The following WRN variants were observed in gnomAD, a reference collection of about 807,000 sequenced individuals.
WRN encodes bifunctional 3'-5' exonuclease/ATP-dependent helicase WRN.
Under a neutral mutation model 180.7 loss-of-function variants are expected in WRN, and 149 were observed. That is an observed-to-expected ratio of 0.82 (90% CI 0.72 to 0.94). The LOEUF is 0.94. WRN is among the 40% of genes least tolerant of loss of function. WRN has a pLI of 0.00. For missense variants in WRN, 1,661 were observed against 1,700.1 expected, an observed-to-expected ratio of 0.98 and a Z score of 0.40; for synonymous variants, 548 against 568.9, an observed-to-expected ratio of 0.96 and a Z score of 0.52.
chr8:31,145,533 G>C (rs970606610), intron 28 of WRN, among the ~76,000 whole-genome samples: 4 of 152,172 alleles, frequency 2.6e-5, no homozygotes, highest in South Asian at 2.1e-4. Context: ...GTCACCAAGA[G>C]CCGTAATGGA....
chr8:31,139,999 CTTTGTTTTTTT>C (rs1027471759), intron 24 of WRN, among the ~76,000 whole-genome samples: 3 of 74,704 alleles, frequency 4.0e-5, no homozygotes, highest in African/African-American at 1.6e-4. Context: ...TTGTATACTT[CTTTGTTTTTTT>C]TTTTTTTTTT....
chr8:31,072,708 TAGTTTGGAA>T (rs2130077687), intron 7 of WRN, among the ~76,000 whole-genome samples: 1 of 152,330 alleles, frequency 6.6e-6, no homozygotes, highest in Non-Finnish European at 1.5e-5. Flanking sequence ...TCTAGAAGCT[TAGTTTGGAA>T]AGGGAACGTT....
At chr8:31,055,426 A>G (rs1812232421) in intron 1 of WRN, among the ~76,000 whole-genome samples, 1 of 152,154 alleles carries the variant, frequency 6.6e-6, no homozygotes, top group Non-Finnish European at 1.5e-5. Flanking sequence ...TTGATTTTTT[A>G]ATAAACGCCA....
chr8:31,142,524 G>A (rs1430694905), intron 26 of WRN, 102 bp from the exon 27 acceptor site: 4 of 884,050 alleles, frequency 4.5e-6, no homozygotes, highest in Non-Finnish European at 6.6e-6. Context: ...AGTTCTAAAA[G>A]GGTAATATCT....
chr8:31,132,895 G>A (rs572069347), intron 24 of WRN, among the ~76,000 whole-genome samples: 1 of 152,232 alleles, frequency 6.6e-6, no homozygotes, highest in South Asian at 2.1e-4. Context: ...ATTCTTCAAG[G>A]AAAACTTTAG....
chr8:31,139,167 T>G (rs1802510294), intron 24 of WRN, among the ~76,000 whole-genome samples: 1 of 152,210 alleles, frequency 6.6e-6, no homozygotes, highest in Non-Finnish European at 1.5e-5. Flanking sequence ...TTTCATCAAT[T>G]CAATAAAACC....
intron 7 of WRN, among the ~76,000 whole-genome samples, chr8:31,070,214 TC>T (rs1812855427): frequency 6.6e-6 from 1 of 151,774 alleles, no homozygotes; most frequent in Non-Finnish European, 1.5e-5. Flanking sequence ...CATCTTTTTT[TC>T]CTTCCTTCCT....
intron 33 of WRN, among the ~76,000 whole-genome samples, chr8:31,166,156 C>T (rs1040897178): frequency 4.6e-5 from 7 of 152,050 alleles, no homozygotes; most frequent in Non-Finnish European, 7.4e-5. Flanking sequence ...ATTTAAAGAA[C>T]GTCTTTTCAG....
At chr8:31,152,575 A>G (rs1803180881) in intron 31 of WRN, among the ~76,000 whole-genome samples, 1 of 152,148 alleles carries the variant, frequency 6.6e-6, no homozygotes, top group South Asian at 2.1e-4. Context: ...GGTCAATTAT[A>G]GGAAGATATA....
At chr8:31,050,032 G>A (rs1346558239) in intron 1 of WRN, among the ~76,000 whole-genome samples, 1 of 152,070 alleles carries the variant, frequency 6.6e-6, no homozygotes, top group Non-Finnish European at 1.5e-5. Context: ...AAAGTGACTT[G>A]TCCAGGGTCA....
intron 23 of WRN, among the ~76,000 whole-genome samples, chr8:31,130,152 A>C (rs1453995067): frequency 7.0e-6 from 1 of 142,408 alleles, no homozygotes; most frequent in Non-Finnish European, 1.5e-5. Context: ...ACGAGACCGC[A>C]TCTCTACAAA....
intron 20 of WRN, among the ~76,000 whole-genome samples, chr8:31,119,030 G>GA (rs1231030193): frequency 6.6e-6 from 1 of 151,832 alleles, no homozygotes; most frequent in Non-Finnish European, 1.5e-5. Context: ...GTTGCTTATT[G>GA]ACTCTTACAT....
intron 18 of WRN, among the ~76,000 whole-genome samples, chr8:31,108,123 T>G (rs1801167372): frequency 6.6e-6 from 1 of 152,234 alleles, no homozygotes; most frequent in South Asian, 2.1e-4. Context: ...GGTTGTTTGA[T>G]TTAGCAAAAC....
chr8:31,139,190 A>G (rs1802512189), intron 24 of WRN, among the ~76,000 whole-genome samples: 1 of 152,200 alleles, frequency 6.6e-6, no homozygotes, highest in South Asian at 2.1e-4. Flanking sequence ...TACGTTTGTA[A>G]TAGAGAGCCC....
In WRN at chr8:31,059,840, A is replaced by T. The variant is rs534071417; in HGVS notation, c.209+575A>T. 7.2e-5 allele frequency among the ~76,000 whole-genome samples: 11 copies of T among 152,234 alleles called. No individual in the cohort carries two copies. In the South Asian group the frequency reaches 2.3e-3, roughly 32 times the overall value. On this transcript the variant is annotated intron_variant, in intron 3 of 34. Transcript: ENST00000298139. The stretch of plus-strand genomic sequence containing the variant: ...GTGAGGCCGAGGCAGGTGGATCACA[A>T]GGTCAGGAGATTGAGACCATCCCGG...
At chr8:31,078,628 A>C (rs1813185626) in intron 8 of WRN, among the ~76,000 whole-genome samples, 1 of 152,224 alleles carries the variant, frequency 6.6e-6, no homozygotes, top group South Asian at 2.1e-4. Context: ...AGAAGGGAGC[A>C]GCTTTATGCT....
intron 24 of WRN, among the ~76,000 whole-genome samples, 172 bp from the exon 25 acceptor site, chr8:31,141,258 A>AT (rs1802614272): frequency 6.6e-6 from 1 of 152,312 alleles, no homozygotes; most frequent in Non-Finnish European, 1.5e-5. Flanking sequence ...TTGATAATGT[A>AT]TTTATTTGTG....
At chr8:31,098,276 A>G (rs1814074922) in intron 17 of WRN, among the ~76,000 whole-genome samples, 1 of 152,144 alleles carries the variant, frequency 6.6e-6, no homozygotes, top group Admixed American at 6.5e-5. Flanking sequence ...CCTATATATA[A>G]ATTTCATGGT....
At chr8:31,127,713 G>T (rs1244194367) in intron 23 of WRN, among the ~76,000 whole-genome samples, 1 of 151,898 alleles carries the variant, frequency 6.6e-6, no homozygotes, top group Non-Finnish European at 1.5e-5. Context: ...GGATTTTTAA[G>T]ACCAGTCTGG....
Sources: allele counts gnomAD v4.1 joint callset (sites outside exome capture counted in the v4.1 genomes callset), GRCh38; gene constraint gnomAD v4.1.1; transcripts MANE v1.5; gene names NCBI Gene and HGNC (gene_info 2026-07-23, HGNC 2026-07-21).